The following CALN1 variants were observed in gnomAD, a reference collection of about 807,000 sequenced individuals.
CALN1 encodes calneuron 1.
A neutral mutation model predicts 30.6 loss-of-function variants in CALN1; 17 were observed. The ratio of observed to expected loss-of-function variants is 0.56; its 90% CI spans 0.38 to 0.83. The LOEUF (loss-of-function observed/expected upper bound fraction) is 0.83, where lower values mean the gene tolerates loss of function less well. Ranked by LOEUF, CALN1 falls within the 40% of genes least tolerant of loss-of-function variation. The probability of loss-of-function intolerance (pLI) is 0.00; values close to 1 mark genes in which losing one functional copy is unlikely to be tolerated. For synonymous variants in CALN1, 156 were observed against 131.4 expected, an observed-to-expected ratio of 1.19 and a Z score of -1.28; for missense variants, 291 against 354.9, an observed-to-expected ratio of 0.82 and a Z score of 1.45.
chr7:72,405,354 C>G (rs1351814236), intron 1 of CALN1, among the ~76,000 whole-genome samples: 2 of 152,164 alleles, frequency 1.3e-5, no homozygotes, highest in African/African-American at 2.4e-5. Context: ...ACACTCATAG[C>G]CTAGGGATGA....
intron 5 of CALN1, among the ~76,000 whole-genome samples, chr7:71,814,678 A>G (rs1241197389): frequency 6.6e-6 from 1 of 152,140 alleles, no homozygotes; most frequent in Non-Finnish European, 1.5e-5. Context: ...GGTGAACACC[A>G]TGAGGATGAA....
intron 5 of CALN1, among the ~76,000 whole-genome samples, chr7:71,859,302 A>G (rs1440965385): frequency 6.6e-6 from 1 of 152,096 alleles, no homozygotes; most frequent in Non-Finnish European, 1.5e-5. Context: ...ACCTCAAGCA[A>G]TCTGCCCGCC....
At chr7:72,418,109 C>T (rs965542068) in intron 1 of CALN1, among the ~76,000 whole-genome samples, 1 of 151,748 alleles carries the variant, frequency 6.6e-6, no homozygotes, top group Non-Finnish European at 1.5e-5. Flanking sequence ...CAACCTTTGC[C>T]CCCCTCCCCC....
At chr7:72,149,247 C>A (rs2129544042) in intron 3 of CALN1, among the ~76,000 whole-genome samples, 1 of 152,222 alleles carries the variant, frequency 6.6e-6, no homozygotes, top group South Asian at 2.1e-4. Context: ...GGGTGGATCA[C>A]TTGAGAGGTC....
chr7:71,907,602 C>T (rs1017993434), intron 5 of CALN1, among the ~76,000 whole-genome samples: 6 of 152,182 alleles, frequency 3.9e-5, no homozygotes, highest in African/African-American at 1.4e-4. Flanking sequence ...GAAGTCTCTT[C>T]ATGGTTTAAA....
rs758248580 is a variant in CALN1 at position 71,780,560 on chromosome 7, C to T, written c.*7215G>A. The T allele has an allele frequency of 3.9e-5, 6 of 152,058 alleles. No homozygotes were observed. The highest frequency in any genetic ancestry group is 7.4e-5 in the Non-Finnish European group (5 of 68,020). 9.4% of individuals were successfully genotyped at this position (152,058 alleles called of 1,614,324 possible). A position where few individuals can be genotyped will look rare whatever the true frequency, so the allele number is the denominator to read the frequency against. On this transcript the variant is annotated 3_prime_UTR_variant, in exon 7 of 7. Coordinates refer to ENST00000395275, the MANE Select transcript of CALN1 (RefSeq NM_031468.4). ...CCTCATTAGCCATTTAAAGGGCTGT[C>T]GCAGGTAGCCGGTCCCCCGCGACTG...
At chr7:72,231,495 G>GGTGT (rs1249524901) in intron 3 of CALN1, among the ~76,000 whole-genome samples, 1 of 152,112 alleles carries the variant, frequency 6.6e-6, no homozygotes, top group Non-Finnish European at 1.5e-5. Context: ...AGTATTCCAT[G>GGTGT]GTATATGTAC....
At chr7:71,981,239 C>T (rs993330074) in intron 5 of CALN1, among the ~76,000 whole-genome samples, 3 of 152,140 alleles carry the variant, frequency 2.0e-5, no homozygotes, top group African/African-American at 7.2e-5. Context: ...CTGATTTTCC[C>T]CTGCCCCCCT....
intron 1 of CALN1, among the ~76,000 whole-genome samples, chr7:72,410,960 T>C (rs889044375): frequency 2.0e-5 from 3 of 152,204 alleles, no homozygotes; most frequent in Admixed American, 1.3e-4. Context: ...GAAATAAAGT[T>C]ATTTTAAGGT....
At chr7:72,325,261 G>A (rs1801189764) in intron 2 of CALN1, among the ~76,000 whole-genome samples, 2 of 152,138 alleles carry the variant, frequency 1.3e-5, no homozygotes, top group Admixed American at 1.3e-4. Context: ...TTGTGACTCT[G>A]CACTCTAGTC....
At chr7:72,168,136 C>T (rs1321241034) in intron 3 of CALN1, among the ~76,000 whole-genome samples, 1 of 151,348 alleles carries the variant, frequency 6.6e-6, no homozygotes, top group Non-Finnish European at 1.5e-5. Context: ...GGGTTTTCTC[C>T]AAAAGCAAAA....
At chr7:72,168,313 C>T (rs1384587103) in intron 3 of CALN1, among the ~76,000 whole-genome samples, 3 of 151,324 alleles carry the variant, frequency 2.0e-5, no homozygotes, top group African/African-American at 7.3e-5. Flanking sequence ...GATCTATAAT[C>T]TGTAGGGTGG....
intron 2 of CALN1, among the ~76,000 whole-genome samples, chr7:72,313,887 G>A (rs1291097652): frequency 1.3e-5 from 2 of 152,142 alleles, no homozygotes; most frequent in African/African-American, 2.4e-5. Flanking sequence ...CAAAGGAGAT[G>A]TGGAAGGCAC....
intron 5 of CALN1, among the ~76,000 whole-genome samples, chr7:71,836,324 G>A (rs1184585040): frequency 1.3e-5 from 2 of 152,160 alleles, no homozygotes; most frequent in African/African-American, 4.8e-5. Flanking sequence ...ACACGATGGG[G>A]GCAGGGAGCA....
chr7:72,457,025 T>C, the CALN1 span, among the ~76,000 whole-genome samples: 1 of 122,942 alleles, frequency 8.1e-6, no homozygotes, highest in African/African-American at 3.5e-5. Flanking sequence ...TTTTTTTTTT[T>C]GAGACAGAGT....
At position 71,879,039 on chromosome 7, in the gene CALN1, C is replaced by T. The variant is rs183500126; in HGVS notation, c.502-68547G>A. On this transcript the variant is annotated intron_variant, in intron 5 of 6. Transcript: ENST00000395275. ...TATGGGACCTCAAGTGACCATAGCACAGAACATTTTTATTGTCTAAGAGTG... is the reference window on the plus strand; with the variant it reads ...TATGGGACCTCAAGTGACCATAGCATAGAACATTTTTATTGTCTAAGAGTG... Among the ~76,000 whole-genome samples, 72 of 152,250 alleles carry T rather than the reference C, an allele frequency of 4.7e-4. 1 individual carries two copies. The highest frequency in any genetic ancestry group is 4.6e-3 in the Admixed American group (71 of 15,292).
intron 4 of CALN1, among the ~76,000 whole-genome samples, chr7:72,057,383 C>CTTTT (rs60838093): frequency 6.3e-4 from 64 of 101,862 alleles, no homozygotes; most frequent in African/African-American, 8.1e-4. Flanking sequence ...TTTAAATGTT[C>CTTTT]TTTTTTTTTT....
chr7:71,795,673 C>G (rs115620571), intron 6 of CALN1, among the ~76,000 whole-genome samples: 1 of 152,122 alleles, frequency 6.6e-6, no homozygotes. Flanking sequence ...ACTAATCTAC[C>G]GTCTGTCTCT....
Position 71,822,140 on chromosome 7 carries a change from A to T in CALN1, c.502-11648T>A, listed in dbSNP as rs551218031. Among the ~76,000 whole-genome samples, 7 of 152,286 alleles carry T rather than the reference A, an allele frequency of 4.6e-5. No individual in the cohort carries two copies. In the South Asian group the frequency reaches 1.5e-3, roughly 32 times the overall value. On this transcript the variant is annotated intron_variant, in intron 5 of 6. Transcript: ENST00000395275. ...TCTCTTACAAGGAGGCTAGAATTGG[A>T]TTCTAAAGAAATCTAATTTGAGATT... is the stretch of plus-strand genomic sequence containing the variant.
Sources: allele counts gnomAD v4.1 joint callset (sites outside exome capture counted in the v4.1 genomes callset), GRCh38; gene constraint gnomAD v4.1.1; transcripts MANE v1.5; gene names NCBI Gene and HGNC (gene_info 2026-07-23, HGNC 2026-07-21).